Variants in GABBR2 observed in about 807,000 individuals in gnomAD.
GABBR2 encodes the protein gamma-aminobutyric acid type B receptor subunit 2.
GABBR2 carries 23 observed loss-of-function variants against 105.6 expected under a neutral mutation model. The ratio of observed to expected loss-of-function variants is 0.22; its 90% CI spans 0.16 to 0.31. The LOEUF (loss-of-function observed/expected upper bound fraction) is 0.31. Among genes scored for constraint, GABBR2 ranks in the 10% least tolerant of loss-of-function variants. GABBR2 has a pLI of 1.00. For synonymous variants in GABBR2, 478 were observed against 499.7 expected (o/e 0.96, Z 0.58); for missense variants, 734 against 1,245.5 (o/e 0.59, Z 6.18).
chr9:98,394,565 T>A (rs1229763778), intron 8 of GABBR2, among the ~76,000 whole-genome samples: 3 of 152,224 alleles, frequency 2.0e-5, no homozygotes, highest in Non-Finnish European at 4.4e-5. Flanking sequence ...TGAGCTGAAA[T>A]GTTTCCCTGT....
chr9:98,466,494 C>G (rs1826559349), intron 6 of GABBR2, among the ~76,000 whole-genome samples: 1 of 152,246 alleles, frequency 6.6e-6, no homozygotes, highest in South Asian at 2.1e-4. Flanking sequence ...CCTCATCTCA[C>G]ATGACCTGGG....
rs150998497 is a variant in GABBR2 at position 98,502,483 on chromosome 9, C to T, written c.631-5969G>A. Among the ~76,000 whole-genome samples, 31 of 152,294 alleles carry T rather than the reference C, an allele frequency of 2.0e-4. 1 individual carries two copies. The East Asian group carries it at 5.2e-3, about 26-fold the overall frequency. ...TTTATCAAATCACTGCATGACCCAC[C>T]GCTTCAGTGTGTGGGCCAGCCTGTT... On this transcript the variant is annotated intron_variant, in intron 3 of 18. Coordinates refer to ENST00000259455, the MANE Select transcript of GABBR2 (RefSeq NM_005458.8).
chr9:98,306,091 G>T lies in GABBR2; in HGVS notation c.2229+30C>A. On this transcript the variant is annotated intron_variant, in intron 15 of 18. Transcript: ENST00000259455. The surrounding 1 kb of genome is among the most constrained non-coding windows in gnomAD (Gnocchi z 5.4). ...GCCCCTGTGCTGGAGTCAGAGGGCA[G>T]AGGCCAGGTGGTGGGGCCAGCGCCT... 1 of 1,509,124 alleles carries T rather than the reference G, an allele frequency of 6.6e-7. No individual in the cohort carries two copies. The highest frequency in any genetic ancestry group is 9.2e-7 in the Non-Finnish European group (1 of 1,086,822). The allele number at this position is 1,509,124 out of a possible 1,614,324, so 93.5% of individuals were successfully genotyped here.
intron 1 of GABBR2, among the ~76,000 whole-genome samples, chr9:98,700,359 C>G (rs956426028): frequency 3.3e-5 from 5 of 152,122 alleles, no homozygotes; most frequent in African/African-American, 1.2e-4. Flanking sequence ...TAAGACCTGC[C>G]ACAGCCTTCA....
chr9:98,506,692 G>A (rs866595412), intron 3 of GABBR2, among the ~76,000 whole-genome samples: 1 of 152,186 alleles, frequency 6.6e-6, no homozygotes, highest in African/African-American at 2.4e-5. Flanking sequence ...GAGTTCCCTG[G>A]GGACAGTTCC....
chr9:98,346,777 TC>T (rs1831310198), intron 13 of GABBR2, among the ~76,000 whole-genome samples: 1 of 152,148 alleles, frequency 6.6e-6, no homozygotes, highest in Admixed American at 6.5e-5. Context: ...ACCCTCTTCT[TC>T]CATGAGCTCA....
intron 11 of GABBR2, among the ~76,000 whole-genome samples, chr9:98,372,284 C>A (rs536418284): frequency 3.5e-4 from 54 of 152,280 alleles, no homozygotes; most frequent in African/African-American, 1.3e-3. Flanking sequence ...CACTCCCAGA[C>A]CCCCCAACCC....
chr9:98,619,199 A>C (rs370202799), intron 1 of GABBR2, among the ~76,000 whole-genome samples: 1 of 152,204 alleles, frequency 6.6e-6, no homozygotes, highest in African/African-American at 2.4e-5. Context: ...CAAACCCAAA[A>C]GAAGGTAATA....
chr9:98,568,824 C>T (rs1828785609), intron 2 of GABBR2, among the ~76,000 whole-genome samples: 1 of 152,164 alleles, frequency 6.6e-6, no homozygotes. Context: ...AAACAAAAAG[C>T]TACCAAGCTT....
chr9:98,405,168 T>C (rs1038965658), intron 8 of GABBR2, among the ~76,000 whole-genome samples: 1 of 151,924 alleles, frequency 6.6e-6, no homozygotes, highest in African/African-American at 2.4e-5. Context: ...ATTGGCAAAA[T>C]GTCGATAATG....
chr9:98,345,228 T>C (rs1481039374), intron 13 of GABBR2, among the ~76,000 whole-genome samples: 3 of 152,340 alleles, frequency 2.0e-5, no homozygotes, highest in Middle Eastern at 3.4e-3. Context: ...CAGCTATCAC[T>C]GGGCTTCCAG....
At chr9:98,663,623 T>G (rs1247801960) in intron 1 of GABBR2, among the ~76,000 whole-genome samples, 1 of 124,300 alleles carries the variant, frequency 8.0e-6, no homozygotes, top group Admixed American at 8.5e-5. Flanking sequence ...AAATCAAAAA[T>G]GAATGATCAG....
At chr9:98,362,321 T>G (rs1279653064) in intron 13 of GABBR2, among the ~76,000 whole-genome samples, 1 of 152,230 alleles carries the variant, frequency 6.6e-6, no homozygotes, top group Non-Finnish European at 1.5e-5. Context: ...GCCCATCACT[T>G]TGAAAACAAT....
chr9:98,296,033 T>C (rs548415846), intron 17 of GABBR2, among the ~76,000 whole-genome samples: 2 of 152,360 alleles, frequency 1.3e-5, no homozygotes, highest in African/African-American at 4.8e-5. Flanking sequence ...CAGAATCGAC[T>C]GTATATCCAT....
intron 3 of GABBR2, among the ~76,000 whole-genome samples, chr9:98,515,710 C>A (rs985736864): frequency 6.6e-6 from 1 of 152,166 alleles, no homozygotes; most frequent in Non-Finnish European, 1.5e-5. Context: ...TCTCCCACCC[C>A]CATCCCTCAC....
At chr9:98,472,325 T>C (rs758411438) in intron 6 of GABBR2, among the ~76,000 whole-genome samples, 1 of 152,228 alleles carries the variant, frequency 6.6e-6, no homozygotes, top group Non-Finnish European at 1.5e-5. Flanking sequence ...TACTTTTACA[T>C]GTCCTATATT....
At chr9:98,660,117 C>T (rs1390115788) in intron 1 of GABBR2, among the ~76,000 whole-genome samples, 13 of 152,046 alleles carry the variant, frequency 8.6e-5, no homozygotes, top group Admixed American at 3.3e-4. Flanking sequence ...ATAAATATTG[C>T]ACAGCTATAT....
intron 1 of GABBR2, among the ~76,000 whole-genome samples, chr9:98,632,504 A>G (rs1040931953): frequency 3.3e-5 from 5 of 152,102 alleles, no homozygotes; most frequent in African/African-American, 4.8e-5. Context: ...TCTGATCAAT[A>G]TTGAGTATGG....
At chr9:98,384,356 C>T (rs777645120) in intron 11 of GABBR2, among the ~76,000 whole-genome samples, 41 of 151,970 alleles carry the variant, frequency 2.7e-4, no homozygotes, top group Non-Finnish European at 8.8e-5. Context: ...CTAGGGAGGC[C>T]GAGGCAGGCA....
Sources: allele counts gnomAD v4.1 joint callset (sites outside exome capture counted in the v4.1 genomes callset), GRCh38; gene constraint gnomAD v4.1.1; non-coding constraint Gnocchi (gnomAD v3.1); transcripts MANE v1.5; gene names NCBI Gene and HGNC (gene_info 2026-07-23, HGNC 2026-07-21).